The following PCDH11X variants were observed in gnomAD, a reference collection of about 807,000 sequenced individuals.
PCDH11X encodes protocadherin-11 X-linked.
Under a neutral mutation model 53.3 loss-of-function variants are expected in PCDH11X, and 18 were observed. That is an observed-to-expected ratio of 0.34 (90% CI 0.23 to 0.50). The LOEUF is 0.50. Ranked by LOEUF, PCDH11X falls within the 20% of genes least tolerant of loss-of-function variation. The probability of loss-of-function intolerance (pLI) is 0.98; values close to 1 mark genes in which losing one functional copy is unlikely to be tolerated. For synonymous variants in PCDH11X, 279 were observed against 393.3 expected, an observed-to-expected ratio of 0.71 and a Z score of 3.44; for missense variants, 570 against 1,032.4, an observed-to-expected ratio of 0.55 and a Z score of 6.14.
intron 7 of PCDH11X, among the ~76,000 whole-genome samples, chrX:92,202,018 G>A (rs1041844581): frequency 9.0e-6 from 1 of 111,354 alleles, no homozygotes; most frequent in Non-Finnish European, 1.9e-5. Flanking sequence ...AAAAGTTTCA[G>A]AGCAGGAATA....
At chrX:92,440,319 A>G (rs1482611974) in intron 9 of PCDH11X, among the ~76,000 whole-genome samples, 2 of 100,159 alleles carry the variant, frequency 2.0e-5, no homozygotes, top group Non-Finnish European at 4.0e-5. Flanking sequence ...CTCCCTCCCC[A>G]CTCTGGTAGT....
intron 6 of PCDH11X, among the ~76,000 whole-genome samples, chrX:92,131,891 G>A (rs1210079427): frequency 9.3e-6 from 1 of 107,967 alleles, no homozygotes; most frequent in Non-Finnish European, 1.9e-5. Flanking sequence ...ATGTTTTAAG[G>A]CCTAGGAAAG....
chrX:91,945,719 G>T (rs1366149439), intron 6 of PCDH11X, among the ~76,000 whole-genome samples: 3 of 108,730 alleles, frequency 2.8e-5, no homozygotes, highest in Admixed American at 1.0e-4. Flanking sequence ...TTGTTGCAAA[G>T]AAAGAATTAT....
At chrX:92,285,313 G>A (rs1268776274) in intron 8 of PCDH11X, among the ~76,000 whole-genome samples, 78 of 101,250 alleles carry the variant, frequency 7.7e-4, no homozygotes, top group Admixed American at 5.4e-3. Flanking sequence ...GAGTGCAATG[G>A]CGCGATCTCG....
At chrX:92,455,055 T>C (rs1384612992) in intron 9 of PCDH11X, among the ~76,000 whole-genome samples, 6 of 105,737 alleles carry the variant, frequency 5.7e-5, no homozygotes, top group Non-Finnish European at 9.7e-5. Context: ...TAGTTTCACC[T>C]ATGTAAAGGA....
chrX:91,858,218 T>G (rs966868541), intron 5 of PCDH11X, among the ~76,000 whole-genome samples: 9 of 109,555 alleles, frequency 8.2e-5, no homozygotes, highest in African/African-American at 1.3e-4. Flanking sequence ...ATGGCTGGGA[T>G]GTAGGTCATC....
At chrX:91,821,434 A>G (rs1234290872) in intron 4 of PCDH11X, among the ~76,000 whole-genome samples, 1 of 110,947 alleles carries the variant, frequency 9.0e-6, no homozygotes, top group Non-Finnish European at 1.9e-5. Flanking sequence ...TCTGTGAAGC[A>G]ATTGTGAATG....
chrX:92,331,887 G>C (rs1297615970), intron 8 of PCDH11X, among the ~76,000 whole-genome samples: 7 of 111,277 alleles, frequency 6.3e-5, no homozygotes, highest in Non-Finnish European at 9.4e-5. Context: ...TATTTGCACT[G>C]TTACATCATT....
chrX:91,837,623 G>A (rs1187462186), intron 5 of PCDH11X, among the ~76,000 whole-genome samples: 1 of 111,731 alleles, frequency 9.0e-6, no homozygotes, highest in Non-Finnish European at 1.9e-5. Context: ...GGAAGAATAA[G>A]CACTTAGTAT....
intron 9 of PCDH11X, among the ~76,000 whole-genome samples, chrX:92,451,736 A>G (rs1185351957): frequency 8.9e-6 from 1 of 112,129 alleles, no homozygotes; most frequent in African/African-American, 3.2e-5. Context: ...AACTTCTGGC[A>G]TTCTAATTTG....
chrX:91,877,536 T>C lies in PCDH11X; in HGVS notation c.1296T>C (p.Tyr432=), dbSNP rs1164895815. 2.3e-5 allele frequency: 28 copies of C among 1,208,585 alleles called. 1 individual carries two copies. In the Admixed American group the frequency reaches 5.5e-4, roughly 24 times the overall value. ...TTGACTATGAGTCCACAAAAGAATA[T>C]GCCATTAAATTACTGGCTGCAGATG... The part of the protein sequence containing the change: ...AYLDYESTKE[Y]AIKLLAADAG... The change falls in exon 6 of 11, where the codon TAT becomes TAC. Residue 432 remains tyrosine, a synonymous_variant. Transcript: ENST00000682573.
intron 6 of PCDH11X, among the ~76,000 whole-genome samples, chrX:92,161,578 G>T (rs2065644441): frequency 9.1e-6 from 1 of 109,349 alleles, no homozygotes; most frequent in African/African-American, 3.3e-5. Flanking sequence ...CAAGGCCGGG[G>T]AAGTTTTCCT....
At chrX:91,971,718 C>A (rs1267595352) in intron 6 of PCDH11X, among the ~76,000 whole-genome samples, 1 of 111,726 alleles carries the variant, frequency 9.0e-6, no homozygotes, top group South Asian at 3.8e-4. Flanking sequence ...TCAGACAAAC[C>A]CATAATATTT....
chrX:92,390,925 C>A (rs1300950383), intron 9 of PCDH11X, among the ~76,000 whole-genome samples: 1 of 108,332 alleles, frequency 9.2e-6, no homozygotes, highest in Non-Finnish European at 1.9e-5. Flanking sequence ...AAGTCTTTTG[C>A]CAAGACTATT....
At chrX:92,030,050 C>T (rs1186681328) in intron 6 of PCDH11X, among the ~76,000 whole-genome samples, 2 of 112,026 alleles carry the variant, frequency 1.8e-5, no homozygotes, top group African/African-American at 3.2e-5. Flanking sequence ...ACAACCTCCA[C>T]CTCCCAGGTT....
At chrX:91,782,913 G>T in intron 1 of PCDH11X, among the ~76,000 whole-genome samples, 1 of 111,373 alleles carries the variant, frequency 9.0e-6, no homozygotes, top group Admixed American at 9.5e-5. Context: ...TAGAAGGGCC[G>T]CAGAATGCAG....
At chrX:92,440,340 T>A (rs1272322630) in intron 9 of PCDH11X, among the ~76,000 whole-genome samples, 1 of 106,663 alleles carries the variant, frequency 9.4e-6, no homozygotes, top group Non-Finnish European at 1.9e-5. Flanking sequence ...CCTCAGTGTC[T>A]GTTGTTGCCA....
intron 6 of PCDH11X, among the ~76,000 whole-genome samples, chrX:92,119,532 A>C (rs1284016186): frequency 9.0e-6 from 1 of 111,355 alleles, no homozygotes; most frequent in Non-Finnish European, 1.9e-5. Flanking sequence ...ACATTAACCA[A>C]AAGTACTTTA....
At chrX:91,825,745 G>A (rs1355703869) in intron 4 of PCDH11X, among the ~76,000 whole-genome samples, 1 of 107,686 alleles carries the variant, frequency 9.3e-6, no homozygotes, top group Admixed American at 9.6e-5. Context: ...TTGGTACAGT[G>A]CCCATGAACT....
Sources: allele counts gnomAD v4.1 joint callset (sites outside exome capture counted in the v4.1 genomes callset), GRCh38; gene constraint gnomAD v4.1.1; transcripts MANE v1.5; gene names NCBI Gene and HGNC (gene_info 2026-07-23, HGNC 2026-07-21).